Variants in ANAPC1 observed in about 807,000 individuals in gnomAD.
The protein encoded by ANAPC1 is anaphase-promoting complex subunit 1.
ANAPC1 carries 36 observed loss-of-function variants against 208.0 expected under a neutral mutation model. The observed-to-expected ratio is 0.17, with a 90% CI of 0.13 to 0.23. ANAPC1 has a LOEUF of 0.23. ANAPC1 is among the 10% of genes least tolerant of loss of function. The pLI is 1.00. For synonymous variants in ANAPC1, 378 were observed against 695.2 expected (o/e 0.54, Z 7.18); for missense variants, 942 against 2,011.6 (o/e 0.47, Z 10.17).
In ANAPC1 at chr2:111,767,986, G is replaced by A. The variant is rs1163415353; in HGVS notation, c.*1305C>T. The A allele has an allele frequency of 9.9e-5, 15 of 151,994 alleles. No individual in the cohort carries two copies. The East Asian group carries it at 2.9e-3, about 29-fold the overall frequency. 9.4% of individuals were successfully genotyped at this position (151,994 alleles called of 1,614,324 possible). On this transcript the variant is annotated 3_prime_UTR_variant, in exon 48 of 48. Coordinates refer to ENST00000341068, the MANE Select transcript of ANAPC1 (RefSeq NM_022662.4). ...ACTCTGCAGACGCAAATGTCATGTG[G>A]GTTTTTGCCAAAATCTCAATGGAAA...
intron 23 of ANAPC1, 47 bp downstream of exon 23, chr2:111,825,084 A>G (rs1558694348): frequency 6.2e-7 from 1 of 1,613,746 alleles, no homozygotes; most frequent in East Asian, 2.2e-5. Flanking sequence ...AGTAAATAAT[A>G]TTGTTTTAAG....
In ANAPC1 at chr2:111,880,449, T is replaced by A. The variant is rs1304519805; in HGVS notation, c.213+164A>T. ...GTATCTAAATAAGTCGCTATGACAA[T>A]GTAATAAAGTCATTATTTTCAACAT... On this transcript the variant is annotated intron_variant, in intron 2 of 47. Transcript: ENST00000341068. 7 of 1,221,984 alleles carry A rather than the reference T, an allele frequency of 5.7e-6. No homozygotes were observed. In the Admixed American group the frequency reaches 2.2e-4, roughly 38 times the overall value. 75.7% of individuals were successfully genotyped at this position (1,221,984 alleles called of 1,614,324 possible).
At chr2:111,843,793 C>T in intron 16 of ANAPC1, among the ~76,000 whole-genome samples, 194 bp from the exon 17 acceptor site, 1 of 139,962 alleles carries the variant, frequency 7.1e-6, no homozygotes, top group African/African-American at 2.6e-5. Flanking sequence ...CTGAATTCAA[C>T]AAGGCTTGAA....
intron 13 of ANAPC1, among the ~76,000 whole-genome samples, chr2:111,852,599 T>C (rs1182319996): frequency 2.0e-5 from 3 of 152,326 alleles, no homozygotes; most frequent in East Asian, 1.9e-4. Context: ...TTTTTAATCA[T>C]GGATATTTTA....
chr2:111,856,153 T>G (rs1173012351), intron 13 of ANAPC1, among the ~76,000 whole-genome samples: 2 of 152,168 alleles, frequency 1.3e-5, no homozygotes, highest in African/African-American at 4.8e-5. Flanking sequence ...GAGAATAGTG[T>G]GAACCCGGGA....
chr2:111,842,742 A>AT (rs971889906), intron 17 of ANAPC1, among the ~76,000 whole-genome samples: 9 of 151,632 alleles, frequency 5.9e-5, no homozygotes, highest in East Asian at 3.9e-4. Context: ...ATCTAGAGTG[A>AT]TTTTTTTTCA....
At chr2:111,791,123 T>C (rs1048179539) in intron 38 of ANAPC1, among the ~76,000 whole-genome samples, 2 of 152,006 alleles carry the variant, frequency 1.3e-5, no homozygotes. Context: ...AGCAAGAGAT[T>C]TGGACATCAC....
intron 20 of ANAPC1, among the ~76,000 whole-genome samples, chr2:111,832,626 C>T (rs60011960): frequency 0.022 from 3,301 of 152,224 alleles, 110 homozygotes; most frequent in African/African-American, 0.074. Flanking sequence ...CACTACAAGT[C>T]TAAGTTAAAA....
chr2:111,773,761 G>T (rs113419074), intron 46 of ANAPC1, among the ~76,000 whole-genome samples: 6 of 152,124 alleles, frequency 3.9e-5, no homozygotes, highest in Middle Eastern at 3.2e-3. Flanking sequence ...AAGGAGCTCA[G>T]TGTTTTTGAG....
At chr2:111,860,902 T>C (rs1380033322) in intron 10 of ANAPC1, among the ~76,000 whole-genome samples, 1 of 151,098 alleles carries the variant, frequency 6.6e-6, no homozygotes, top group East Asian at 2.0e-4. Flanking sequence ...AATTATTGAA[T>C]ACAATAATTC....
rs77797441 is a variant in ANAPC1 at position 111,781,807 on chromosome 2, C to G, written c.5202+562G>C. 4.8e-3 allele frequency among the ~76,000 whole-genome samples: 724 copies of G among 152,212 alleles called. 2 individuals are homozygous for G. The highest frequency in any genetic ancestry group is 0.017 in the African/African-American group (698 of 41,498). ...AGAGCAAAATATGTGCTGACCCCGC[C>G]GTGGGAATGAGATTGCTTCCTACCC... On this transcript the variant is annotated intron_variant, in intron 43 of 47. Coordinates refer to ENST00000341068, the MANE Select transcript of ANAPC1 (RefSeq NM_022662.4).
chr2:111,851,693 C>A (rs1462673479), intron 13 of ANAPC1, among the ~76,000 whole-genome samples: 6 of 151,792 alleles, frequency 4.0e-5, no homozygotes, highest in Non-Finnish European at 7.4e-5. Context: ...CGCCTGTAGT[C>A]CCAGCTACTC....
intron 13 of ANAPC1, among the ~76,000 whole-genome samples, chr2:111,855,546 G>A (rs1186879241): frequency 3.3e-5 from 5 of 152,222 alleles, no homozygotes; most frequent in South Asian, 4.1e-4. Flanking sequence ...AACAACACAC[G>A]CATCAACACA....
At chr2:111,833,550 T>C (rs1395334272) in intron 19 of ANAPC1, among the ~76,000 whole-genome samples, 4 of 152,034 alleles carry the variant, frequency 2.6e-5, no homozygotes, top group African/African-American at 4.8e-5. Context: ...CGTGATCTAG[T>C]TCCTCCTCTG....
intron 16 of ANAPC1, among the ~76,000 whole-genome samples, chr2:111,846,026 T>TGGAGG (rs1314115700): frequency 6.6e-6 from 1 of 150,424 alleles, no homozygotes; most frequent in Non-Finnish European, 1.5e-5. Context: ...AATCTCTATA[T>TGGAGG]CAACTTGGAA....
At chr2:111,857,661 A>G (rs1482395685) in intron 11 of ANAPC1, among the ~76,000 whole-genome samples, 4 of 152,254 alleles carry the variant, frequency 2.6e-5, no homozygotes, top group Admixed American at 6.5e-5. Flanking sequence ...TGAATTTACC[A>G]TTCAACCCAA....
intron 14 of ANAPC1, among the ~76,000 whole-genome samples, chr2:111,848,846 G>A (rs1298683926): frequency 6.6e-6 from 1 of 151,736 alleles, no homozygotes; most frequent in East Asian, 1.9e-4. Context: ...AGAAAGGACA[G>A]TAATGAAAAA....
intron 14 of ANAPC1, among the ~76,000 whole-genome samples, chr2:111,850,308 A>C (rs886343542): frequency 6.6e-6 from 1 of 151,596 alleles, no homozygotes; most frequent in Non-Finnish European, 1.5e-5. Context: ...CCTTGCCCTG[A>C]ATGCTCCTTT....
At chr2:111,842,394 A>G (rs968044010) in intron 17 of ANAPC1, among the ~76,000 whole-genome samples, 3 of 152,154 alleles carry the variant, frequency 2.0e-5, no homozygotes, top group Non-Finnish European at 4.4e-5. Context: ...CTGTAATTCC[A>G]GCACTTTGGG....
Sources: allele counts gnomAD v4.1 joint callset (sites outside exome capture counted in the v4.1 genomes callset), GRCh38; gene constraint gnomAD v4.1.1; transcripts MANE v1.5; gene names NCBI Gene and HGNC (gene_info 2026-07-23, HGNC 2026-07-21).